The following CHCHD6 variants were observed in gnomAD, a reference collection of about 807,000 sequenced individuals.
The protein encoded by CHCHD6 is MICOS complex subunit MIC25.
CHCHD6 carries 28 observed loss-of-function variants against 32.3 expected under a neutral mutation model. That is an observed-to-expected ratio of 0.87 (90% CI 0.64 to 1.19). CHCHD6 has a LOEUF of 1.19. Ranked by LOEUF, CHCHD6 falls within the 50% of genes most tolerant of loss-of-function variation. The pLI, the probability that CHCHD6 is intolerant of heterozygous loss-of-function variation, is 0.00. For synonymous variants in CHCHD6, 122 were observed against 117.5 expected, an observed-to-expected ratio of 1.04 and a Z score of -0.25; for missense variants, 333 against 307.0, an observed-to-expected ratio of 1.08 and a Z score of -0.63.
chr3:126,806,480 A>C (rs971845290), intron 4 of CHCHD6, among the ~76,000 whole-genome samples: 5 of 152,168 alleles, frequency 3.3e-5, no homozygotes, highest in Non-Finnish European at 4.4e-5. Flanking sequence ...GAGAAATGCA[A>C]ATCAAAACCA....
intron 6 of CHCHD6, among the ~76,000 whole-genome samples, chr3:126,938,191 G>T (rs1385290595): frequency 6.6e-6 from 1 of 152,242 alleles, no homozygotes; most frequent in Non-Finnish European, 1.5e-5. Flanking sequence ...GCTTGTGACT[G>T]TTGGCCTGGG....
At chr3:126,799,727 G>T (rs1258784947) in intron 4 of CHCHD6, among the ~76,000 whole-genome samples, 1 of 152,116 alleles carries the variant, frequency 6.6e-6, no homozygotes, top group Non-Finnish European at 1.5e-5. Context: ...TTTCTCCTGG[G>T]TTGGGGTTAG....
chr3:126,756,578 T>C (rs1936964851), intron 4 of CHCHD6, among the ~76,000 whole-genome samples: 2 of 152,198 alleles, frequency 1.3e-5, no homozygotes, highest in Admixed American at 1.3e-4. Context: ...ACCCACACCA[T>C]AGGCTGGTGG....
chr3:126,727,233 G>A lies in CHCHD6; in HGVS notation c.196+47G>A, dbSNP rs537512333. 2.7e-5 allele frequency: 37 copies of A among 1,392,872 alleles called. 2 individuals are homozygous for A. In the South Asian group the frequency reaches 4.2e-4, roughly 16 times the overall value. 86.3% of individuals were successfully genotyped at this position (1,392,872 alleles called of 1,614,324 possible). A position where few individuals can be genotyped will look rare whatever the true frequency, so the allele number is the denominator to read the frequency against. On this transcript the variant is annotated intron_variant, in intron 2 of 7. Coordinates refer to ENST00000290913, the MANE Select transcript of CHCHD6 (RefSeq NM_032343.3). The stretch of plus-strand genomic sequence containing the variant: ...TGTGGAGTGTGGAGAGACAGTGAAA[G>A]GAGTGATGGGTGCTCACCCGAGCCC...
intron 4 of CHCHD6, among the ~76,000 whole-genome samples, chr3:126,799,000 A>G (rs1014849899): frequency 1.2e-4 from 18 of 152,204 alleles, no homozygotes; most frequent in Non-Finnish European, 2.1e-4. Flanking sequence ...GAAGCTGTCT[A>G]TGCCCTCTGG....
At chr3:126,769,145 T>A (rs115972026) in intron 4 of CHCHD6, among the ~76,000 whole-genome samples, 1,815 of 152,330 alleles carry the variant, frequency 0.012, 20 homozygotes, top group Middle Eastern at 0.048. Context: ...CTTCCAGTAT[T>A]TTATGGTTCT....
At chr3:126,738,944 C>G (rs971322937) in intron 4 of CHCHD6, among the ~76,000 whole-genome samples, 1 of 152,112 alleles carries the variant, frequency 6.6e-6, no homozygotes, top group African/African-American at 2.4e-5. Flanking sequence ...GAATTCTGGT[C>G]AGAGGTTGTG....
At chr3:126,783,823 CA>C (rs1308226786) in intron 4 of CHCHD6, among the ~76,000 whole-genome samples, 1 of 151,990 alleles carries the variant, frequency 6.6e-6, no homozygotes, top group African/African-American at 2.4e-5. Context: ...CATGATCAGG[CA>C]TGCAGGCCTG....
At chr3:126,713,653 C>T (rs917701830) in intron 1 of CHCHD6, among the ~76,000 whole-genome samples, 6 of 152,148 alleles carry the variant, frequency 3.9e-5, no homozygotes. Flanking sequence ...CTATTCCACA[C>T]TTACTTCCTT....
At chr3:126,915,095 G>T (rs1361954780) in intron 6 of CHCHD6, among the ~76,000 whole-genome samples, 1 of 152,356 alleles carries the variant, frequency 6.6e-6, no homozygotes, top group African/African-American at 2.4e-5. Flanking sequence ...TGAGGCAGGG[G>T]TTCTGCTGGC....
At chr3:126,784,305 A>G (rs1341006079) in intron 4 of CHCHD6, among the ~76,000 whole-genome samples, 1 of 152,046 alleles carries the variant, frequency 6.6e-6, no homozygotes, top group Non-Finnish European at 1.5e-5. Context: ...TTCCTATTGA[A>G]CTTTCTCTTT....
chr3:126,747,686 GGTCTCGTGGTGTGACAT>G (rs1045600855), intron 4 of CHCHD6, among the ~76,000 whole-genome samples: 2 of 152,096 alleles, frequency 1.3e-5, no homozygotes, highest in Admixed American at 1.3e-4. Flanking sequence ...TGGCCCATCA[GGTCTCGTGGTGTGACAT>G]GTCTCCCTGC....
At chr3:126,933,504 TGG>T (rs2078435493) in intron 6 of CHCHD6, among the ~76,000 whole-genome samples, 1 of 152,228 alleles carries the variant, frequency 6.6e-6, no homozygotes, top group African/African-American at 2.4e-5. Flanking sequence ...TCTCAGCTTC[TGG>T]GGAGGCCTCA....
At chr3:126,906,517 G>T (rs533943045) in intron 5 of CHCHD6, among the ~76,000 whole-genome samples, 1 of 152,170 alleles carries the variant, frequency 6.6e-6, no homozygotes, top group Non-Finnish European at 1.5e-5. Context: ...CGCTCATCTT[G>T]CTGCTTTACG....
At chr3:126,851,587 GCCCCT>G in intron 4 of CHCHD6, among the ~76,000 whole-genome samples, 2 of 152,156 alleles carry the variant, frequency 1.3e-5, no homozygotes, top group African/African-American at 2.4e-5. Context: ...GAGCTCCCAG[GCCCCT>G]GTGACTGTCT....
intron 4 of CHCHD6, among the ~76,000 whole-genome samples, chr3:126,816,798 G>A (rs1008093063): frequency 6.6e-6 from 1 of 151,912 alleles, no homozygotes; most frequent in Non-Finnish European, 1.5e-5. Context: ...GTGCCATGTT[G>A]GTGTGCTGCA....
chr3:126,773,428 T>C (rs758478077), intron 4 of CHCHD6, among the ~76,000 whole-genome samples: 2 of 152,254 alleles, frequency 1.3e-5, no homozygotes, highest in Middle Eastern at 3.4e-3. Context: ...ACGTTGGGAA[T>C]GTGGCTACAA....
chr3:126,753,370 C>CT (rs1186689400), intron 4 of CHCHD6, among the ~76,000 whole-genome samples: 8 of 152,284 alleles, frequency 5.3e-5, no homozygotes, highest in African/African-American at 1.7e-4. Flanking sequence ...TTTTGCCCAC[C>CT]TGGAGGCTGA....
At chr3:126,938,285 A>G (rs185672345) in intron 6 of CHCHD6, among the ~76,000 whole-genome samples, 2 of 152,298 alleles carry the variant, frequency 1.3e-5, no homozygotes, top group East Asian at 3.9e-4. Context: ...GGAGGGAACA[A>G]CAGCCTGAGT....
Sources: allele counts gnomAD v4.1 joint callset (sites outside exome capture counted in the v4.1 genomes callset), GRCh38; gene constraint gnomAD v4.1.1; transcripts MANE v1.5; gene names NCBI Gene and HGNC (gene_info 2026-07-23, HGNC 2026-07-21).